PSD3: variants seen among roughly 807,000 people sequenced by gnomAD.
PSD3 encodes pleckstrin and Sec7 domain containing 3.
PSD3 carries 49 observed loss-of-function variants against 105.5 expected under a neutral mutation model. The ratio of observed to expected loss-of-function variants is 0.46; its 90% CI spans 0.37 to 0.59. PSD3 has a LOEUF of 0.59. Among genes scored for constraint, PSD3 ranks in the 20% least tolerant of loss-of-function variants. PSD3 has a pLI of 0.00. For synonymous variants in PSD3, 557 were observed against 457.8 expected (o/e 1.22, Z -2.77); for missense variants, 1,561 against 1,263.8 (o/e 1.24, Z -3.57).
At chr8:19,001,004 T>C (rs1408196148) in intron 1 of PSD3, 2 of 151,944 alleles carry the variant, frequency 1.3e-5, no homozygotes, top group African/African-American at 4.8e-5. Context: ...CAAAGTGATG[T>C]AATGAGTAAG....
chr8:18,994,963 C>G (rs189416338), intron 1 of PSD3, among the ~76,000 whole-genome samples: 4 of 151,452 alleles, frequency 2.6e-5, no homozygotes, highest in Non-Finnish European at 5.9e-5. Flanking sequence ...TTTTAAGTAC[C>G]GCGTCCAGTC....
intron 2 of PSD3, among the ~76,000 whole-genome samples, chr8:18,917,528 G>C (rs1820703058): frequency 6.6e-6 from 1 of 152,144 alleles, no homozygotes; most frequent in African/African-American, 2.4e-5. Context: ...CCTACAGCAA[G>C]TCCTCAAATA....
At chr8:18,903,763 C>T (rs1819662679) in intron 2 of PSD3, among the ~76,000 whole-genome samples, 1 of 152,132 alleles carries the variant, frequency 6.6e-6, no homozygotes, top group Non-Finnish European at 1.5e-5. Context: ...CAGGCTGCTG[C>T]TTCAGCTTAG....
intron 1 of PSD3, among the ~76,000 whole-genome samples, chr8:18,941,915 C>T (rs577949787): frequency 1.4e-4 from 21 of 152,092 alleles, no homozygotes; most frequent in African/African-American, 3.1e-4. Context: ...TCAGGTGATC[C>T]GCCCGCCTCG....
rs1459848591 is a variant in PSD3 at position 18,867,682 on chromosome 8, G to A, written c.1626C>T (p.Phe542=). The change falls in exon 4 of 16, where the codon TTC becomes TTT. Residue 542 remains phenylalanine (F), a synonymous_variant. Coordinates refer to ENST00000327040, the MANE Select transcript of PSD3 (RefSeq NM_015310.4). ...IYTKGTPEIA[F]WGSNAGVKTT... Reference sequence around the variant, plus strand: ...GAGAATGGGACGAGTACCTTCCCCAGAAAGCAATCTCCGGGGTGCCTTTCG... The same window carrying A: ...GAGAATGGGACGAGTACCTTCCCCAAAAAGCAATCTCCGGGGTGCCTTTCG... 6.2e-7 allele frequency: 1 copy of A among 1,608,960 alleles called. No homozygotes were observed. Among genetic ancestry groups the A allele is most frequent in the East Asian group, 2.2e-5 (1 of 44,820 alleles).
At chr8:18,688,241 C>A (rs545247932) in intron 9 of PSD3, among the ~76,000 whole-genome samples, 1 of 148,552 alleles carries the variant, frequency 6.7e-6, no homozygotes, top group Non-Finnish European at 1.5e-5. Flanking sequence ...GCACCTGGCA[C>A]GATCACGTCA....
At chr8:18,862,621 ATGT>A (rs891078186) in intron 4 of PSD3, among the ~76,000 whole-genome samples, 1 of 152,050 alleles carries the variant, frequency 6.6e-6, no homozygotes, top group Non-Finnish European at 1.5e-5. Flanking sequence ...CAACATGAAA[ATGT>A]TGTTCTCTGT....
At chr8:18,901,169 T>C (rs1819478796) in intron 2 of PSD3, among the ~76,000 whole-genome samples, 1 of 152,186 alleles carries the variant, frequency 6.6e-6, no homozygotes. Flanking sequence ...TCTTGTTCAT[T>C]TTTCCAGTAT....
At chr8:18,815,644 T>A (rs962042292) in intron 4 of PSD3, among the ~76,000 whole-genome samples, 1 of 152,164 alleles carries the variant, frequency 6.6e-6, no homozygotes, top group Admixed American at 6.5e-5. Flanking sequence ...CCTTTTCCAG[T>A]GTCCTATAGC....
chr8:18,575,754 T>C, intron 12 of PSD3, among the ~76,000 whole-genome samples: 1 of 152,218 alleles, frequency 6.6e-6, no homozygotes, highest in Non-Finnish European at 1.5e-5. Context: ...AGATATTACA[T>C]GTTCCTGTTA....
In PSD3 at chr8:18,575,117, A is replaced by G; in HGVS notation, c.2639+11T>C. 6.2e-7 allele frequency: 1 copy of G among 1,609,818 alleles called. No homozygotes were observed. Among genetic ancestry groups the G allele is most frequent in the Non-Finnish European group, 8.5e-7 (1 of 1,178,232 alleles). ...AAAACACAAAATCAAATAAAAACCAACAAAACATACTGAGTTTGAAAAAGC... is the reference window on the plus strand; with the variant it reads ...AAAACACAAAATCAAATAAAAACCAGCAAAACATACTGAGTTTGAAAAAGC... On this transcript the variant is annotated intron_variant, in intron 13 of 15. Coordinates refer to ENST00000327040, the MANE Select transcript of PSD3 (RefSeq NM_015310.4).
intron 9 of PSD3, among the ~76,000 whole-genome samples, chr8:18,728,511 G>C (rs1585749535): frequency 2.0e-5 from 3 of 152,294 alleles, no homozygotes; most frequent in Middle Eastern, 6.8e-3. Context: ...TCAGGCAGAG[G>C]AAACAGCATG....
chr8:18,829,135 T>C (rs1813467950), intron 4 of PSD3, among the ~76,000 whole-genome samples: 1 of 151,938 alleles, frequency 6.6e-6, no homozygotes, highest in South Asian at 2.1e-4. Flanking sequence ...TGGTCTCAGC[T>C]CCTAACGAGG....
At position 18,744,161 on chromosome 8, in the gene PSD3, C is replaced by G. The variant is rs540654202; in HGVS notation, c.2172+21288G>C. The stretch of plus-strand genomic sequence containing the variant: ...TCCTTGAAAATAATAATTAGGTAAT[C>G]ATATTTTATGAAGTATTTTTTATGT... On this transcript the variant is annotated intron_variant, in intron 9 of 15. Transcript: ENST00000327040. Among the ~76,000 whole-genome samples the G allele has an allele frequency of 2.0e-4, 30 of 152,264 alleles. 1 individual carries two copies. The South Asian group carries it at 3.1e-3, about 16-fold the overall frequency.
chr8:18,693,946 T>A (rs2131005013), intron 9 of PSD3, among the ~76,000 whole-genome samples: 1 of 152,300 alleles, frequency 6.6e-6, no homozygotes, highest in East Asian at 1.9e-4. Context: ...AGCATTAGCA[T>A]GGCATCTGAT....
chr8:18,911,903 G>A (rs1037993025), intron 2 of PSD3, among the ~76,000 whole-genome samples: 8 of 152,078 alleles, frequency 5.3e-5, no homozygotes, highest in East Asian at 1.9e-4. Context: ...AGCCTACACC[G>A]TAACTTAATA....
At chr8:18,659,086 G>A (rs1056487906) in intron 9 of PSD3, among the ~76,000 whole-genome samples, 12 of 152,222 alleles carry the variant, frequency 7.9e-5, no homozygotes, top group Middle Eastern at 6.8e-3. Context: ...TCTATGACTC[G>A]GCCCATCTCT....
chr8:18,851,516 G>A (rs918330495), intron 4 of PSD3, among the ~76,000 whole-genome samples: 2 of 152,218 alleles, frequency 1.3e-5, no homozygotes, highest in African/African-American at 4.8e-5. Context: ...TCTGCTACGA[G>A]GCAAGCTCTT....
At chr8:18,937,304 T>C (rs1822203861) in intron 1 of PSD3, among the ~76,000 whole-genome samples, 1 of 152,246 alleles carries the variant, frequency 6.6e-6, no homozygotes, top group Non-Finnish European at 1.5e-5. Flanking sequence ...TCACCGGTAC[T>C]GGTTTCTACC....
Sources: allele counts gnomAD v4.1 joint callset (sites outside exome capture counted in the v4.1 genomes callset), GRCh38; gene constraint gnomAD v4.1.1; transcripts MANE v1.5; gene names NCBI Gene and HGNC (gene_info 2026-07-23, HGNC 2026-07-21).